Variants in RBFOX3 observed in about 807,000 individuals in gnomAD.
RBFOX3 encodes the protein RNA binding protein fox-1 homolog 3.
Under a neutral mutation model 48.7 loss-of-function variants are expected in RBFOX3, and 17 were observed. The ratio of observed to expected loss-of-function variants is 0.35; its 90% CI spans 0.24 to 0.52. The LOEUF is 0.52. RBFOX3 is among the 20% of genes least tolerant of loss of function. RBFOX3 has a pLI of 0.94. For synonymous variants in RBFOX3, 212 were observed against 209.5 expected (o/e 1.01, Z -0.10); for missense variants, 382 against 497.5 (o/e 0.77, Z 2.21).
rs372935472 is a variant in RBFOX3 at position 79,104,439 on chromosome 17, G to A, written c.361-313C>T. Among the ~76,000 whole-genome samples, 4 of 152,256 alleles carry A rather than the reference G, an allele frequency of 2.6e-5. No individual in the cohort carries two copies. In the East Asian group the frequency reaches 7.7e-4, roughly 29 times the overall value. On this transcript the variant is annotated intron_variant, in intron 6 of 14. Transcript: ENST00000693108. ...CCGTGTCTCCCTTCTGCCTTGGGGA[G>A]CTTTTACTGCCAGGACACTAACTCC...
intron 4 of RBFOX3, among the ~76,000 whole-genome samples, chr17:79,144,522 G>C (rs768586953): frequency 4.6e-5 from 7 of 152,190 alleles, no homozygotes; most frequent in Non-Finnish European, 1.0e-4. Context: ...AGCATGCTCT[G>C]CGCCCCACTG....
chr17:79,543,160 G>A (rs1181326845), intron 1 of RBFOX3, among the ~76,000 whole-genome samples: 4 of 152,128 alleles, frequency 2.6e-5, no homozygotes, highest in African/African-American at 7.2e-5. Flanking sequence ...ACTCAGAACC[G>A]TATCTTTGCA....
chr17:79,101,466 C>T (rs1439875712), intron 9 of RBFOX3, 118 bp downstream of exon 9: 1 of 922,194 alleles, frequency 1.1e-6, no homozygotes, highest in African/African-American at 1.6e-5. Context: ...GGCTGGGACA[C>T]TGGGGACGGA....
chr17:79,648,900 C>T, the RBFOX3 span, among the ~76,000 whole-genome samples: 1 of 152,126 alleles, frequency 6.6e-6, no homozygotes, highest in Admixed American at 6.5e-5. Context: ...CCACAGCCAC[C>T]TGTGGTGTTA....
intron 2 of RBFOX3, among the ~76,000 whole-genome samples, chr17:79,323,720 C>G (rs1179809516): frequency 3.9e-5 from 6 of 152,234 alleles, no homozygotes; most frequent in Non-Finnish European, 7.3e-5. Flanking sequence ...CTGCCTTGGC[C>G]AGAGATGGCT....
At chr17:79,616,932 C>T in the RBFOX3 span, among the ~76,000 whole-genome samples, 5 of 152,286 alleles carry the variant, frequency 3.3e-5, no homozygotes, top group East Asian at 3.9e-4. Context: ...TAAATGAAGA[C>T]GTCACAGGGC....
At chr17:79,546,638 C>T (rs2090470782) in intron 1 of RBFOX3, among the ~76,000 whole-genome samples, 1 of 151,702 alleles carries the variant, frequency 6.6e-6, no homozygotes, top group African/African-American at 2.4e-5. Flanking sequence ...TTCCCATCCG[C>T]CGGCATTCCC....
chr17:79,620,999 CT>C, the RBFOX3 span, among the ~76,000 whole-genome samples: 41,996 of 135,046 alleles, frequency 0.31, 5,358 homozygotes, highest in East Asian at 0.35. Flanking sequence ...AATCCAACTT[CT>C]TTTTTTTTTT....
intron 4 of RBFOX3, among the ~76,000 whole-genome samples, chr17:79,209,453 A>G (rs2058049658): frequency 6.6e-6 from 1 of 152,202 alleles, no homozygotes; most frequent in South Asian, 2.1e-4. Flanking sequence ...CGGAACTCCC[A>G]CTTCCAAAGC....
intron 3 of RBFOX3, among the ~76,000 whole-genome samples, chr17:79,292,434 G>A (rs1055241111): frequency 5.3e-5 from 8 of 152,082 alleles, no homozygotes. Context: ...AGGGGACAAG[G>A]GGACTGTGGC....
At chr17:79,341,299 T>C (rs538025087) in intron 2 of RBFOX3, among the ~76,000 whole-genome samples, 2 of 152,348 alleles carry the variant, frequency 1.3e-5, no homozygotes, top group African/African-American at 4.8e-5. Flanking sequence ...TGTGTTCATG[T>C]CTCATGTGTG....
intron 1 of RBFOX3, among the ~76,000 whole-genome samples, chr17:79,483,590 C>T (rs1402849949): frequency 2.0e-5 from 3 of 150,544 alleles, no homozygotes; most frequent in African/African-American, 4.9e-5. Flanking sequence ...CCACGAATTT[C>T]CCCCCAGGGA....
chr17:79,338,317 G>A (rs1395442211), intron 2 of RBFOX3, among the ~76,000 whole-genome samples: 4 of 152,144 alleles, frequency 2.6e-5, no homozygotes, highest in Admixed American at 6.5e-5. Context: ...GCAATGGTGG[G>A]AACACAGACT....
intron 4 of RBFOX3, among the ~76,000 whole-genome samples, chr17:79,194,269 C>T (rs2055097405): frequency 6.6e-6 from 1 of 152,032 alleles, no homozygotes; most frequent in African/African-American, 2.4e-5. Context: ...ATAAGGGAGC[C>T]CAGATTCCGA....
chr17:79,475,689 C>G (rs1203683207), intron 2 of RBFOX3, among the ~76,000 whole-genome samples: 1 of 152,192 alleles, frequency 6.6e-6, no homozygotes, highest in South Asian at 2.1e-4. Flanking sequence ...TGTACACACA[C>G]AAATGCACAC....
chr17:79,113,077 A>G (rs1170971717), intron 5 of RBFOX3, among the ~76,000 whole-genome samples: 1 of 152,076 alleles, frequency 6.6e-6, no homozygotes, highest in East Asian at 1.9e-4. Context: ...CCGAAGATCT[A>G]GACCACAATA....
chr17:79,300,448 T>TA (rs374121925), intron 3 of RBFOX3, among the ~76,000 whole-genome samples: 72 of 152,032 alleles, frequency 4.7e-4, no homozygotes, highest in African/African-American at 1.4e-3. Flanking sequence ...TGCCCTAATT[T>TA]AAAAAAAATC....
intron 4 of RBFOX3, chr17:79,233,865 C>T (rs1295783073): frequency 6.6e-6 from 1 of 152,262 alleles, no homozygotes; most frequent in Non-Finnish European, 1.5e-5. Flanking sequence ...CCTTGGCCTC[C>T]CAAAGTGCTG....
chr17:79,506,780 T>TGGGGGCCGCAGAGGAGC (rs1433297066), intron 1 of RBFOX3, among the ~76,000 whole-genome samples: 14 of 152,076 alleles, frequency 9.2e-5, no homozygotes, highest in African/African-American at 3.4e-4. Context: ...CGAATCAGGA[T>TGGGGGCCGCAGAGGAGC]GGGGGCCGCA....
Sources: gnomAD v4.1 joint callset for allele counts (sites outside exome capture counted in the v4.1 genomes callset) on GRCh38, gnomAD v4.1.1 for gene constraint, MANE v1.5 for transcripts, NCBI Gene and HGNC (gene_info 2026-07-23, HGNC 2026-07-21) for gene names.